Variants in THEMIS observed in about 807,000 individuals in gnomAD.
The protein encoded by THEMIS is thymocyte selection associated, also known as protein THEMIS.
A neutral mutation model predicts 52.6 loss-of-function variants in THEMIS; 37 were observed. The observed-to-expected ratio is 0.70, with a 90% CI of 0.54 to 0.93. THEMIS has a LOEUF of 0.93. Among genes scored for constraint, THEMIS ranks in the 40% least tolerant of loss-of-function variants. THEMIS has a pLI of 0.00. For missense variants in THEMIS, 808 were observed against 763.1 expected (o/e 1.06, Z -0.69); for synonymous variants, 292 against 272.7 (o/e 1.07, Z -0.70).
At chr6:127,875,526 T>C (rs1400408229) in intron 1 of THEMIS, among the ~76,000 whole-genome samples, 1 of 152,184 alleles carries the variant, frequency 6.6e-6, no homozygotes, top group Non-Finnish European at 1.5e-5. Context: ...ACAGTGGAAC[T>C]ATCCAGTAAA....
chr6:127,819,118 T>TAAAAAAAAAAAAAAAA (rs142123167), intron 3 of THEMIS, among the ~76,000 whole-genome samples: 10 of 19,478 alleles, frequency 5.1e-4, no homozygotes, highest in African/African-American at 1.0e-3. Flanking sequence ...AGACTCTGTC[T>TAAAAAAAAAAAAAAAA]AAAAAAAAAA....
chr6:127,810,159 C>A (rs985081100), intron 4 of THEMIS, among the ~76,000 whole-genome samples: 2 of 152,082 alleles, frequency 1.3e-5, no homozygotes, highest in Non-Finnish European at 1.5e-5. Flanking sequence ...AGATCATTTT[C>A]ATTTAATGCC....
chr6:127,813,954 T>A, intron 3 of THEMIS, 23 bp from the exon 4 acceptor site: 1 of 1,509,448 alleles, frequency 6.6e-7, no homozygotes, highest in Non-Finnish European at 8.8e-7. Context: ...AATAAATCAC[T>A]ATGATATTTT....
At chr6:127,914,439 G>A (rs1416771083) in intron 1 of THEMIS, among the ~76,000 whole-genome samples, 4 of 152,154 alleles carry the variant, frequency 2.6e-5, no homozygotes, top group African/African-American at 7.2e-5. Context: ...TGCATCCTCA[G>A]GCAATTTCAT....
intron 3 of THEMIS, among the ~76,000 whole-genome samples, chr6:127,824,617 A>G (rs1183043043): frequency 6.6e-6 from 1 of 152,142 alleles, no homozygotes; most frequent in Non-Finnish European, 1.5e-5. Context: ...AAGAACCCCA[A>G]AAGAGGAAGA....
chr6:127,903,141 C>T (rs978131303), upstream of THEMIS, among the ~76,000 whole-genome samples: 4 of 151,840 alleles, frequency 2.6e-5, no homozygotes, highest in Non-Finnish European at 4.4e-5. Context: ...TTTCTCTAGC[C>T]GTTAAATCCA....
At position 127,708,359 on chromosome 6, in the gene THEMIS, T is replaced by C. The variant is rs377230903; in HGVS notation, c.*1626A>G. 3 of 152,140 alleles carry C rather than the reference T, an allele frequency of 2.0e-5. No homozygotes were observed. The highest frequency in any genetic ancestry group is 4.1e-4 in the South Asian group (2 of 4,832). 9.4% of individuals were successfully genotyped at this position (152,140 alleles called of 1,614,324 possible). ...ATTTCTATTAGAAAGCCCTTGATAA[T>C]TTACAACCAAAGTAAGATATGCATT... is the stretch of plus-strand genomic sequence containing the variant. On this transcript the variant is annotated 3_prime_UTR_variant, in exon 6 of 6. Transcript: ENST00000368248.
At chr6:127,713,630 C>A (rs1477873973) in intron 5 of THEMIS, among the ~76,000 whole-genome samples, 1 of 151,814 alleles carries the variant, frequency 6.6e-6, no homozygotes, top group African/African-American at 2.4e-5. Context: ...AAGGTGATAA[C>A]TAAGAAGGTA....
At chr6:127,826,171 A>T (rs1778499620) in intron 3 of THEMIS, among the ~76,000 whole-genome samples, 1 of 152,206 alleles carries the variant, frequency 6.6e-6, no homozygotes, top group Non-Finnish European at 1.5e-5. Context: ...AAAAATATTT[A>T]AAGGCATTAC....
chr6:127,772,439 C>T (rs1254204249), intron 4 of THEMIS, among the ~76,000 whole-genome samples: 1 of 151,792 alleles, frequency 6.6e-6, no homozygotes, highest in African/African-American at 2.4e-5. Context: ...TTGTATGTTT[C>T]TCCTCAACAT....
chr6:127,890,766 G>T (rs2114469217), intron 1 of THEMIS, among the ~76,000 whole-genome samples: 1 of 152,040 alleles, frequency 6.6e-6, no homozygotes, highest in African/African-American at 2.4e-5. Flanking sequence ...AACAGCTTTT[G>T]TGAGAAAAAT....
chr6:127,771,467 G>A (rs1360028079), intron 4 of THEMIS, among the ~76,000 whole-genome samples: 1 of 152,018 alleles, frequency 6.6e-6, no homozygotes, highest in Non-Finnish European at 1.5e-5. Context: ...ACAATCCTAA[G>A]CAAAAAGAAG....
intron 2 of THEMIS, among the ~76,000 whole-genome samples, chr6:127,846,637 C>A (rs1779223864): frequency 2.6e-5 from 4 of 151,706 alleles, no homozygotes; most frequent in Admixed American, 1.3e-4. Flanking sequence ...GAGATTGAAC[C>A]AGTAATTTAA....
rs368013855 is a variant in THEMIS at position 127,813,913 on chromosome 6, C to T, written c.728G>A (p.Arg243His). ...TTCGACATCTAGACTGGGGAGGATG[C>T]GGATTATATCTTTTCGAACTAAAAA... ...GVMKFRKDII[R>H]ILPSLDVEVK... Residue 243 changes from arginine (R) to histidine (H), a missense_variant, in exon 4 of 6, where the codon CGC (arginine) becomes CAC (histidine). Arg to His is a conservative substitution (Grantham distance 29). Coordinates refer to ENST00000368248, the MANE Select transcript of THEMIS (RefSeq NM_001010923.3). 204 of 1,551,608 alleles carry T rather than the reference C, an allele frequency of 1.3e-4. No homozygotes were observed. The highest frequency in any genetic ancestry group is 1.2e-3 in the Middle Eastern group (7 of 5,746).
chr6:127,897,157 C>G (rs1780992921), intron 1 of THEMIS, among the ~76,000 whole-genome samples: 1 of 151,186 alleles, frequency 6.6e-6, no homozygotes, highest in African/African-American at 2.4e-5. Context: ...AAAACATAAA[C>G]CCAGATAGAC....
chr6:127,755,202 T>G (rs768421016), intron 4 of THEMIS, among the ~76,000 whole-genome samples: 30 of 152,218 alleles, frequency 2.0e-4, no homozygotes, highest in Non-Finnish European at 5.9e-5. Context: ...TCATCATAGA[T>G]TAGATTTGAA....
intron 4 of THEMIS, among the ~76,000 whole-genome samples, chr6:127,737,975 G>C (rs1454163366): frequency 6.6e-6 from 1 of 152,142 alleles, no homozygotes; most frequent in Non-Finnish European, 1.5e-5. Context: ...TCAAGGAAGG[G>C]CATGATGGTG....
intron 4 of THEMIS, among the ~76,000 whole-genome samples, chr6:127,770,240 C>T (rs568910793): frequency 1.7e-4 from 26 of 152,320 alleles, no homozygotes; most frequent in Admixed American, 3.3e-4. Context: ...GTCCCACCAA[C>T]GGTGTAAAAG....
intron 4 of THEMIS, among the ~76,000 whole-genome samples, chr6:127,743,438 G>A (rs1257584040): frequency 1.3e-5 from 2 of 152,088 alleles, no homozygotes; most frequent in African/African-American, 4.8e-5. Flanking sequence ...AAATATGACT[G>A]GTGTTTAAGG....
Sources: gnomAD v4.1 joint callset for allele counts (sites outside exome capture counted in the v4.1 genomes callset) on GRCh38, gnomAD v4.1.1 for gene constraint, MANE v1.5 for transcripts, NCBI Gene and HGNC (gene_info 2026-07-23, HGNC 2026-07-21) for gene names.